The following KYNU variants were observed in gnomAD, a reference collection of about 807,000 sequenced individuals.
The protein encoded by KYNU is L-kynurenine hydrolase.
In KYNU, 54 loss-of-function variants were observed where a neutral mutation model predicts 59.2. The ratio of observed to expected loss-of-function variants is 0.91; its 90% confidence interval spans 0.73 to 1.14. The LOEUF (loss-of-function observed/expected upper bound fraction) is 1.14, where lower values mean the gene tolerates loss of function less well. Among genes scored for constraint, KYNU ranks in the 50% most tolerant of loss-of-function variants. The pLI is 0.00. For missense variants in KYNU, 567 were observed against 554.4 expected, an observed-to-expected ratio of 1.02 and a Z score of -0.23; for synonymous variants, 177 against 192.0, an observed-to-expected ratio of 0.92 and a Z score of 0.65.
At chr2:142,920,887 G>A (rs35202991) in intron 3 of KYNU, among the ~76,000 whole-genome samples, 4,209 of 152,184 alleles carry the variant, frequency 0.028, 127 homozygotes, top group African/African-American at 0.076. Context: ...CTCACCCATC[G>A]TTTTTGATCC....
At chr2:142,993,288 A>G (rs11685496) in intron 10 of KYNU, among the ~76,000 whole-genome samples, 4,991 of 152,132 alleles carry the variant, frequency 0.033, 119 homozygotes, top group Middle Eastern at 0.058. Context: ...TAGAATTTTT[A>G]TGGAATTGGA....
chr2:142,905,820 T>A (rs1267409104), intron 2 of KYNU, among the ~76,000 whole-genome samples: 1 of 152,224 alleles, frequency 6.6e-6, no homozygotes, highest in Non-Finnish European at 1.5e-5. Flanking sequence ...GTCTCAGTGT[T>A]TCTGGCTATG....
chr2:143,029,911 A>T (rs2104913196), intron 11 of KYNU, among the ~76,000 whole-genome samples: 1 of 152,304 alleles, frequency 6.6e-6, no homozygotes, highest in Non-Finnish European at 1.5e-5. Context: ...AATGAAGTCC[A>T]AGGTAAGGGT....
chr2:143,032,350 C>T (rs967292046), intron 11 of KYNU, among the ~76,000 whole-genome samples: 3 of 151,176 alleles, frequency 2.0e-5, no homozygotes, highest in Non-Finnish European at 4.4e-5. Flanking sequence ...CTTGTGAGAA[C>T]TCCTTCACTA....
At chr2:142,948,555 G>A (rs376876726) in intron 4 of KYNU, among the ~76,000 whole-genome samples, 16 of 152,310 alleles carry the variant, frequency 1.1e-4, no homozygotes, top group South Asian at 1.0e-3. Context: ...CACATCTTAT[G>A]TGGATGGCGA....
rs1044747879 is a variant in KYNU, at chr2:143,042,390, A to G, written c.*218A>G. On this transcript the variant is annotated 3_prime_UTR_variant, in exon 14 of 14. Coordinates refer to ENST00000264170, the MANE Select transcript of KYNU (RefSeq NM_003937.3). Reference sequence around the variant, plus strand: ...GGTGCTTTGTGTTTGGGGGACCAAAACTGTGTTGGTTCAAGTATTATCTAT... The same window carrying G: ...GGTGCTTTGTGTTTGGGGGACCAAAGCTGTGTTGGTTCAAGTATTATCTAT... 34 of 477,958 alleles carry G rather than the reference A, an allele frequency of 7.1e-5. No individual in the cohort carries two copies. Among genetic ancestry groups the G allele is most frequent in the Non-Finnish European group, 1.1e-4 (30 of 265,452 alleles). 29.6% of individuals were successfully genotyped at this position (477,958 alleles called of 1,614,324 possible).
In KYNU at chr2:142,963,325, G is replaced by A. The variant is rs1332896392; in HGVS notation, c.729+2555G>A. Among the ~76,000 whole-genome samples, 5 of 152,160 alleles carry A rather than the reference G, an allele frequency of 3.3e-5. No homozygotes were observed. The East Asian group carries it at 5.8e-4, about 18-fold the overall frequency. On this transcript the variant is annotated intron_variant, in intron 8 of 13. Transcript: ENST00000264170. ...ATACTACCTGTTACCTTCTGTCTCT[G>A]TCCACTTGGGCTGCTATAACAAAAT...
chr2:142,997,586 TGTATG>T lies in KYNU; in HGVS notation c.902+11569_902+11573del, dbSNP rs1685579934. On this transcript the variant is annotated intron_variant, in intron 10 of 13. Transcript: ENST00000264170. Reference sequence around the variant, plus strand: ...CTGAACACAAACTTAAATTATTAAATGTATGGTAATAAGTTGCCAAATTAAAGAAA... The same window carrying T: ...CTGAACACAAACTTAAATTATTAAATGTAATAAGTTGCCAAATTAAAGAAA... Among the ~76,000 whole-genome samples the T allele has an allele frequency of 2.6e-5, 4 of 152,154 alleles. No individual in the cohort carries two copies. In the South Asian group the frequency reaches 8.3e-4, roughly 31 times the overall value.
intron 2 of KYNU, among the ~76,000 whole-genome samples, chr2:142,896,091 G>T (rs1326900327): frequency 1.3e-5 from 2 of 152,106 alleles, no homozygotes; most frequent in Admixed American, 6.6e-5. Flanking sequence ...ACAAAAACAG[G>T]TCATGGGCTT....
intron 12 of KYNU, among the ~76,000 whole-genome samples, chr2:143,035,798 C>G (rs1204173584): frequency 1.3e-5 from 2 of 152,100 alleles, no homozygotes; most frequent in East Asian, 3.9e-4. Flanking sequence ...ATTTTTGAGA[C>G]AGGGTCCCCT....
chr2:142,928,819 C>A (rs922905134), intron 4 of KYNU, among the ~76,000 whole-genome samples: 1 of 151,414 alleles, frequency 6.6e-6, no homozygotes, highest in Non-Finnish European at 1.5e-5. Flanking sequence ...ACCAGCCTGG[C>A]CAACATGGTG....
At chr2:142,983,807 A>T (rs1388004132) in intron 8 of KYNU, among the ~76,000 whole-genome samples, 4 of 152,104 alleles carry the variant, frequency 2.6e-5, no homozygotes, top group African/African-American at 7.2e-5. Flanking sequence ...TTGTTATACA[A>T]ACTATGTTTT....
intron 10 of KYNU, among the ~76,000 whole-genome samples, chr2:142,999,071 T>C (rs1685633929): frequency 6.7e-6 from 1 of 149,360 alleles, no homozygotes; most frequent in African/African-American, 2.5e-5. Flanking sequence ...TATTCTAGTC[T>C]ATCCTAGCCT....
chr2:142,913,789 G>C (rs1269799482), intron 2 of KYNU, among the ~76,000 whole-genome samples: 2 of 152,074 alleles, frequency 1.3e-5, no homozygotes, highest in African/African-American at 2.4e-5. Context: ...GCTCTCTTTG[G>C]GGTGTTGAAA....
chr2:142,881,073 T>C (rs2105017663), intron 1 of KYNU, among the ~76,000 whole-genome samples: 1 of 152,324 alleles, frequency 6.6e-6, no homozygotes, highest in Non-Finnish European at 1.5e-5. Context: ...AAAAAAGCAT[T>C]GGAGCATTAG....
intron 9 of KYNU, 136 bp from the exon 10 acceptor site, chr2:142,985,812 C>T: frequency 1.6e-6 from 1 of 626,748 alleles, no homozygotes; most frequent in Non-Finnish European, 2.9e-6. Context: ...TCTGTTTTAT[C>T]ATAAATACAC....
At chr2:143,019,182 G>T (rs76256217) in intron 10 of KYNU, among the ~76,000 whole-genome samples, 5,509 of 152,206 alleles carry the variant, frequency 0.036, 134 homozygotes, top group Non-Finnish European at 0.051. Context: ...TTCAACAGCA[G>T]TGGTTAAAGT....
intron 2 of KYNU, among the ~76,000 whole-genome samples, chr2:142,909,799 T>A (rs1309521372): frequency 6.6e-6 from 1 of 152,208 alleles, no homozygotes; most frequent in African/African-American, 2.4e-5. Context: ...ACAATGTATT[T>A]TTCTTTAGGT....
intron 8 of KYNU, among the ~76,000 whole-genome samples, chr2:142,969,548 C>G (rs1293456334): frequency 6.6e-6 from 1 of 152,152 alleles, no homozygotes; most frequent in Non-Finnish European, 1.5e-5. Context: ...AAATTTTGAG[C>G]TGTTTCTAAG....
Sources: allele counts gnomAD v4.1 joint callset (sites outside exome capture counted in the v4.1 genomes callset), GRCh38; gene constraint gnomAD v4.1.1; transcripts MANE v1.5; gene names NCBI Gene and HGNC (gene_info 2026-07-23, HGNC 2026-07-21).